Variants in SSX2IP observed in about 807,000 individuals in gnomAD.
The protein encoded by SSX2IP is afadin- and alpha-actinin-binding protein.
A neutral mutation model predicts 84.9 loss-of-function variants in SSX2IP; 55 were observed. The ratio of observed to expected loss-of-function variants is 0.65; its 90% CI spans 0.52 to 0.81. The LOEUF is 0.81. Ranked by LOEUF, SSX2IP falls within the 30% of genes least tolerant of loss-of-function variation. The pLI, the probability that SSX2IP is intolerant of heterozygous loss-of-function variation, is 0.00. For synonymous variants in SSX2IP, 239 were observed against 234.7 expected (o/e 1.02, Z -0.17); for missense variants, 664 against 705.2 (o/e 0.94, Z 0.66).
At position 84,651,959 on chromosome 1, in the gene SSX2IP, C is replaced by T. The variant is rs763093251; in HGVS notation, c.1428G>A (p.Lys476=). Reference sequence around the variant, plus strand: ...AGGTAGTCATATTTAGAAACTGCTGCTTTAACCAACTGGCTCTTTCTTCTT... The same window carrying T: ...AGGTAGTCATATTTAGAAACTGCTGTTTTAACCAACTGGCTCTTTCTTCTT... The part of the protein sequence containing the change: ...AFEEERASWL[K]QQFLNMTTFD... The change falls in exon 12 of 14, where the codon AAG becomes AAA. Residue 476 remains lysine (K), a synonymous_variant. Transcript: ENST00000342203. 13 of 1,613,842 alleles carry T rather than the reference C, an allele frequency of 8.1e-6. No individual in the cohort carries two copies. In the Admixed American group the frequency reaches 1.8e-4, roughly 23 times the overall value.
At chr1:84,652,590 C>G (rs1650442590) in intron 11 of SSX2IP, 1 of 151,546 alleles carries the variant, frequency 6.6e-6, no homozygotes, top group Admixed American at 6.6e-5. Flanking sequence ...TTTAGCCGGG[C>G]ATGGTGGCGT....
At chr1:84,677,166 A>G (rs1249302281) in intron 1 of SSX2IP, among the ~76,000 whole-genome samples, 1 of 152,194 alleles carries the variant, frequency 6.6e-6, no homozygotes, top group Non-Finnish European at 1.5e-5. Context: ...AATCCACTTA[A>G]AATGAGTCCA....
At chr1:84,655,708 G>A (rs1650980088) in intron 11 of SSX2IP, 124 bp downstream of exon 11, 9 of 1,411,672 alleles carry the variant, frequency 6.4e-6, no homozygotes, top group African/African-American at 1.4e-5. Flanking sequence ...AATTATTTGT[G>A]AGATCACCAG....
rs1373851922 is a variant in SSX2IP at position 84,644,395 on chromosome 1, A to G, written c.*3038T>C. The G allele has an allele frequency of 6.6e-6, 1 of 152,178 alleles. No homozygotes were observed. Among genetic ancestry groups the G allele is most frequent in the Non-Finnish European group, 1.5e-5 (1 of 68,024 alleles). 9.4% of individuals were successfully genotyped at this position (152,178 alleles called of 1,614,324 possible). On this transcript the variant is annotated 3_prime_UTR_variant, in exon 14 of 14. Coordinates refer to ENST00000342203, the MANE Select transcript of SSX2IP (RefSeq NM_001166293.2). ...CGTGCTTATCTGTCTTCATATCACC[A>G]AGGATTGGAAAGCAGTAGTAAGCCT...
In SSX2IP at chr1:84,663,527, C is replaced by G. The variant is rs542267439; in HGVS notation, c.673+890G>C. Among the ~76,000 whole-genome samples the G allele has an allele frequency of 4.5e-4, 69 of 152,278 alleles. 1 individual carries two copies. The highest frequency in any genetic ancestry group is 1.6e-3 in the Admixed American group (25 of 15,298). Reference sequence around the variant, plus strand: ...CTGAATCTTCATTTCTATTTTTCAACAATTTAAAAAATAAAGTATTCAGAT... The same window carrying G: ...CTGAATCTTCATTTCTATTTTTCAAGAATTTAAAAAATAAAGTATTCAGAT... On this transcript the variant is annotated intron_variant, in intron 6 of 13. Transcript: ENST00000342203.
intron 13 of SSX2IP, 193 bp downstream of exon 13, chr1:84,650,169 G>T (rs2298076): frequency 0.82 from 516,858 of 628,914 alleles, 214,048 homozygotes; most frequent in Non-Finnish European, 0.85. Context: ...CTGTTCACTA[G>T]TGTATTTCCA....
At chr1:84,651,520 G>T (rs573344110) in intron 12 of SSX2IP, among the ~76,000 whole-genome samples, 1 of 152,158 alleles carries the variant, frequency 6.6e-6, no homozygotes, top group South Asian at 2.1e-4. Context: ...CTGAGGTCAG[G>T]AGTTCAAGAA....
intron 1 of SSX2IP, among the ~76,000 whole-genome samples, chr1:84,680,864 A>G (rs1036429640): frequency 1.3e-5 from 2 of 152,232 alleles, no homozygotes; most frequent in Non-Finnish European, 2.9e-5. Context: ...TCTATAAATG[A>G]AAGTGTTTTT....
In SSX2IP at chr1:84,656,395, T is replaced by C. The variant is rs761558074; in HGVS notation, c.1168A>G (p.Ile390Val). The change falls in exon 10 of 14, where the codon ATT becomes GTT. Residue 390 changes from isoleucine (I) to valine (V), a missense_variant. By Grantham distance (29) the Ile-to-Val change is conservative. Coordinates refer to ENST00000342203, the MANE Select transcript of SSX2IP (RefSeq NM_001166293.2). ...EQETEKLELE[I>V]QQCKEMIKTQ... ...TTAATCATTTCTTTACACTGCTGAA[T>C]TTCTAACTCGAGTTTTTCAGTTTCT... The C allele has an allele frequency of 1.2e-6, 2 of 1,613,412 alleles. No homozygotes were observed. Among genetic ancestry groups the C allele is most frequent in the East Asian group, 4.5e-5 (2 of 44,826 alleles).
At chr1:84,681,386 T>C (rs1655059556) in intron 1 of SSX2IP, among the ~76,000 whole-genome samples, 1 of 152,216 alleles carries the variant, frequency 6.6e-6, no homozygotes, top group African/African-American at 2.4e-5. Flanking sequence ...CACATATGCA[T>C]GTATAGCACA....
intron 9 of SSX2IP, among the ~76,000 whole-genome samples, chr1:84,657,264 A>G (rs1048767894): frequency 7.9e-5 from 12 of 152,164 alleles, no homozygotes; most frequent in Admixed American, 2.0e-4. Flanking sequence ...AAAGCACACT[A>G]AAGAAAAATA....
In SSX2IP at chr1:84,656,343, T is replaced by A. The variant is rs373998289; in HGVS notation, c.1215+5A>T. The A allele has an allele frequency of 6.2e-7, 1 of 1,609,608 alleles. No individual in the cohort carries two copies. Among genetic ancestry groups the A allele is most frequent in the Non-Finnish European group, 8.5e-7 (1 of 1,178,622 alleles). Reference sequence around the variant, plus strand: ...GAACAGCTTTAAAAGGTAATTCATATTCACCTGTAAAAGCTGTTGCTGAGT... The same window carrying A: ...GAACAGCTTTAAAAGGTAATTCATAATCACCTGTAAAAGCTGTTGCTGAGT... On this transcript the variant is annotated splice_donor_5th_base_variant and intron_variant, in intron 10 of 13. Transcript: ENST00000342203.
chr1:84,647,427 A>G lies in SSX2IP; in HGVS notation c.*6T>C. The G allele has an allele frequency of 6.4e-7, 1 of 1,567,456 alleles. No individual in the cohort carries two copies. The highest frequency in any genetic ancestry group is 8.6e-7 in the Non-Finnish European group (1 of 1,156,414). On this transcript the variant is annotated 3_prime_UTR_variant, in exon 14 of 14. Transcript: ENST00000342203. ...ACATTAATGAAAAAAATTCCAGTCC[A>G]CATGTCTAAGGTAAGTCATCTTTTT... is the stretch of plus-strand genomic sequence containing the variant.
chr1:84,684,536 A>C (rs928664570), intron 1 of SSX2IP, among the ~76,000 whole-genome samples: 15 of 152,220 alleles, frequency 9.9e-5, no homozygotes, highest in Admixed American at 3.3e-4. Context: ...GGAAACTCTG[A>C]AAAATAAACA....
rs377071200 is a variant in SSX2IP at position 84,683,007 on chromosome 1, T to C, written c.-90+7364A>G. On this transcript the variant is annotated intron_variant, in intron 1 of 13. Transcript: ENST00000342203. ...TTTCCCCCATTACAGATAAGGAAAC[T>C]GAAGCCTGGAGTTTTCTTGACCTAG... Among the ~76,000 whole-genome samples, 3 of 152,278 alleles carry C rather than the reference T, an allele frequency of 2.0e-5. No homozygotes were observed. In the East Asian group the frequency reaches 5.8e-4, roughly 29 times the overall value.
intron 1 of SSX2IP, among the ~76,000 whole-genome samples, chr1:84,680,954 A>C (rs1655003156): frequency 6.6e-6 from 1 of 152,234 alleles, no homozygotes; most frequent in African/African-American, 2.4e-5. Context: ...AAACAGCACC[A>C]TTCTGAACCA....
chr1:84,650,498 A>C lies in SSX2IP; in HGVS notation c.1534T>G (p.Ser512Ala). 1 of 1,614,136 alleles carries C rather than the reference A, an allele frequency of 6.2e-7. No individual in the cohort carries two copies. The highest frequency in any genetic ancestry group is 1.3e-5 in the African/African-American group (1 of 75,032). Residue 512 changes from serine (S) to alanine (A), a missense_variant, in exon 13 of 14, where the codon TCG (serine) becomes GCG (alanine). Ser to Ala is a moderately conservative substitution (Grantham distance 99). Transcript: ENST00000342203. ...TGAGGCTTCTTTTGCGGCTGCCTCG[A>C]GTGCACTATAAGATTGTCCCAATCA... ...SSDWDNLIVH[S>A]RQPQKKPHSV...
In SSX2IP at chr1:84,657,533, G is replaced by A. The variant is rs558495800; in HGVS notation, c.1078+785C>T. Among the ~76,000 whole-genome samples the A allele has an allele frequency of 4.6e-5, 7 of 151,936 alleles. No individual in the cohort carries two copies. The South Asian group carries it at 1.4e-3, about 31-fold the overall frequency. On this transcript the variant is annotated intron_variant, in intron 9 of 13. Coordinates refer to ENST00000342203, the MANE Select transcript of SSX2IP (RefSeq NM_001166293.2). ...AGCAAAATGTTCCTATCTATACTACGATAAATATTTCTTGATTTTTGAGAG... is the reference window on the plus strand; with the variant it reads ...AGCAAAATGTTCCTATCTATACTACAATAAATATTTCTTGATTTTTGAGAG...
At position 84,651,969 on chromosome 1, in the gene SSX2IP, C is replaced by T; in HGVS notation, c.1418G>A (p.Ser473Asn). 6.2e-7 allele frequency: 1 copy of T among 1,613,864 alleles called. No individual in the cohort carries two copies. The highest frequency in any genetic ancestry group is 1.7e-5 in the Admixed American group (1 of 60,000). ...ATTTAGAAACTGCTGCTTTAACCAA[C>T]TGGCTCTTTCTTCTTCAAATGCCTT... is the stretch of plus-strand genomic sequence containing the variant. ...ERKAFEEERASWLKQQFLNMT... is the reference protein window; with the variant it reads ...ERKAFEEERANWLKQQFLNMT... The change falls in exon 12 of 14, where the codon AGT (serine) becomes AAT (asparagine). Residue 473 changes from serine to asparagine, a missense_variant. Physicochemically the swap from Ser to Asn is conservative, Grantham distance 46. Transcript: ENST00000342203.
Sources: allele counts gnomAD v4.1 joint callset (sites outside exome capture counted in the v4.1 genomes callset), GRCh38; gene constraint gnomAD v4.1.1; transcripts MANE v1.5; gene names NCBI Gene and HGNC (gene_info 2026-07-23, HGNC 2026-07-21).